WNT10A: variants seen among roughly 807,000 people sequenced by gnomAD.
WNT10A encodes the protein protein Wnt-10a.
WNT10A carries 37 observed loss-of-function variants against 36.1 expected under a neutral mutation model. That is an observed-to-expected ratio of 1.02 (90% CI 0.79 to 1.35). The LOEUF is 1.35. Among genes scored for constraint, WNT10A ranks in the 40% most tolerant of loss-of-function variants. The pLI, the probability that WNT10A is intolerant of heterozygous loss-of-function variation, is 0.00. For synonymous variants in WNT10A, 255 were observed against 254.1 expected (o/e 1.00, Z -0.03); for missense variants, 613 against 601.4 (o/e 1.02, Z -0.20).
rs915885112 is a variant in WNT10A, at chr2:218,881,103, G to A, written c.108G>A (p.Met36Ile). Residue 36 changes from methionine to isoleucine, a missense_variant, in exon 1 of 4, where the codon ATG becomes ATA. Transcript: ENST00000258411. ...TCCTACTGCTGCTGGCTGCTGCCATGCCCAGGTGAGCCCTCACCTCATGCT... is the reference window on the plus strand; with the variant it reads ...TCCTACTGCTGCTGGCTGCTGCCATACCCAGGTGAGCCCTCACCTCATGCT... ...LFFLLLLAAAMPRSAPNDILD... is the reference protein window; with the variant it reads ...LFFLLLLAAAIPRSAPNDILD... 2 of 1,592,912 alleles carry A rather than the reference G, an allele frequency of 1.3e-6. No homozygotes were observed. Among genetic ancestry groups the A allele is most frequent in the South Asian group, 1.1e-5 (1 of 87,866 alleles).
At chr2:218,890,722 T>C (rs1288790012) in intron 3 of WNT10A, among the ~76,000 whole-genome samples, 1 of 151,986 alleles carries the variant, frequency 6.6e-6, no homozygotes, top group Non-Finnish European at 1.5e-5. Context: ...CCCTATAGAG[T>C]GACAAGGTTG....
At chr2:218,874,651 A>G in the WNT10A span, among the ~76,000 whole-genome samples, 1 of 152,120 alleles carries the variant, frequency 6.6e-6, no homozygotes, top group African/African-American at 2.4e-5. Flanking sequence ...GCATAGCCCA[A>G]CTTCCAGGAC....
At chr2:218,887,223 C>T (rs1212947663) in intron 2 of WNT10A, among the ~76,000 whole-genome samples, 1 of 152,070 alleles carries the variant, frequency 6.6e-6, no homozygotes, top group African/African-American at 2.4e-5. Context: ...ACTTCTGTGA[C>T]CTGTGTTTTC....
In WNT10A at chr2:218,893,449, T is replaced by G; in HGVS notation, c.*178T>G. On this transcript the variant is annotated 3_prime_UTR_variant, in exon 4 of 4. Transcript: ENST00000258411. The surrounding 1 kb of genome is among the most constrained non-coding windows in gnomAD (Gnocchi z 6.3). ...GTGATCGCCGGACAGTCCAGGCCTG[T>G]CTGAACCCCACCACTCACTTCTGTG... is the stretch of plus-strand genomic sequence containing the variant. 3 of 840,210 alleles carry G rather than the reference T, an allele frequency of 3.6e-6. No homozygotes were observed. The highest frequency in any genetic ancestry group is 5.3e-6 in the Non-Finnish European group (3 of 571,182). 52.0% of individuals were successfully genotyped at this position (840,210 alleles called of 1,614,324 possible).
At chr2:218,879,994 G>A (rs1944490956), upstream of WNT10A, among the ~76,000 whole-genome samples, 4 of 152,146 alleles carry the variant, frequency 2.6e-5, no homozygotes, top group Admixed American at 2.0e-4. Flanking sequence ...GCCGCATTCC[G>A]CAAAGGGGCA....
rs774646988 is a variant in WNT10A at position 218,890,245 on chromosome 2, G to A, written c.638G>A (p.Gly213Asp). The A allele has an allele frequency of 1.9e-6, 3 of 1,613,584 alleles. No individual in the cohort carries two copies. Among genetic ancestry groups the A allele is most frequent in the African/African-American group, 2.7e-5 (2 of 75,056 alleles). Residue 213 changes from glycine (G) to aspartate (D), a missense_variant, in exon 3 of 4, where the codon GGC (glycine) becomes GAC (aspartate). Gly to Asp is a moderately conservative substitution (Grantham distance 94). Coordinates refer to ENST00000258411, the MANE Select transcript of WNT10A (RefSeq NM_025216.3). Reference protein sequence around the residue: ...PGLQDSWEWGGCSPDMGFGER... With the variant: ...PGLQDSWEWGDCSPDMGFGER... The stretch of plus-strand genomic sequence containing the variant: ...CTGCAGGACTCCTGGGAGTGGGGCG[G>A]CTGCAGCCCCGACATGGGCTTCGGG...
At chr2:218,882,092 G>T in intron 1 of WNT10A, 69 bp from the exon 2 acceptor site, 2 of 1,566,874 alleles carry the variant, frequency 1.3e-6, no homozygotes, top group Non-Finnish European at 8.7e-7. Context: ...GGGACAGAGT[G>T]TGTGTTGTTA....
At chr2:218,880,126 G>A (rs1002713896), upstream of WNT10A, among the ~76,000 whole-genome samples, 7 of 152,288 alleles carry the variant, frequency 4.6e-5, no homozygotes, top group Admixed American at 2.0e-4. The surrounding 1 kb of genome is among the most constrained non-coding windows in gnomAD (Gnocchi z 7.7). Flanking sequence ...CACCAGGCAG[G>A]CCTGGGGGAA....
At chr2:218,889,103 G>A (rs1012940266) in intron 2 of WNT10A, among the ~76,000 whole-genome samples, 4 of 152,138 alleles carry the variant, frequency 2.6e-5, no homozygotes, top group African/African-American at 9.7e-5. Context: ...AGTCCCCAAA[G>A]TCCATTGTGT....
intron 2 of WNT10A, 83 bp downstream of exon 2, chr2:218,882,506 T>G: frequency 6.4e-7 from 1 of 1,554,862 alleles, no homozygotes; most frequent in Non-Finnish European, 8.8e-7. Flanking sequence ...TCTAACCCAC[T>G]GCCTCAAGCT....
In WNT10A at chr2:218,893,370, G is replaced by A; in HGVS notation, c.*99G>A. The A allele has an allele frequency of 6.9e-7, 1 of 1,448,622 alleles. No individual in the cohort carries two copies. Among genetic ancestry groups the A allele is most frequent in the Non-Finnish European group, 9.1e-7 (1 of 1,097,714 alleles). The allele number at this position is 1,448,622 out of a possible 1,614,324, so 89.7% of individuals were successfully genotyped here. Reference sequence around the variant, plus strand: ...CAAGGCAGCATCGCCTTGGCTCTTGGGAAGAGGAGATTGGACCACATGATC... The same window carrying A: ...CAAGGCAGCATCGCCTTGGCTCTTGAGAAGAGGAGATTGGACCACATGATC... On this transcript the variant is annotated 3_prime_UTR_variant, in exon 4 of 4. Coordinates refer to ENST00000258411, the MANE Select transcript of WNT10A (RefSeq NM_025216.3). The surrounding 1 kb of genome is among the most constrained non-coding windows in gnomAD (Gnocchi z 6.3).
At chr2:218,887,072 A>G (rs573193978) in intron 2 of WNT10A, among the ~76,000 whole-genome samples, 1 of 152,252 alleles carries the variant, frequency 6.6e-6, no homozygotes, top group South Asian at 2.1e-4. Context: ...GGTGCCATGC[A>G]CAGACAAGTC....
chr2:218,890,470 C>A, intron 3 of WNT10A, 107 bp downstream of exon 3: 1 of 1,493,520 alleles, frequency 6.7e-7, no homozygotes, highest in Non-Finnish European at 9.1e-7. Context: ...CATGTCACAC[C>A]TTGGCAATCT....
upstream of WNT10A, among the ~76,000 whole-genome samples, chr2:218,878,994 G>A (rs1944478590): frequency 6.6e-6 from 1 of 152,128 alleles, no homozygotes; most frequent in South Asian, 2.1e-4. This position sits in a 1 kb window ranked among gnomAD's most constrained non-coding sequence, Gnocchi z 4.1. Flanking sequence ...GGGCAGTTGG[G>A]GTCAAATAAG....
At chr2:218,885,074 G>T (rs1375559106) in intron 2 of WNT10A, among the ~76,000 whole-genome samples, 1 of 152,206 alleles carries the variant, frequency 6.6e-6, no homozygotes, top group African/African-American at 2.4e-5. Flanking sequence ...AGGGAGAAGA[G>T]GGCTTGAGCA....
intron 2 of WNT10A, 134 bp from the exon 3 acceptor site, chr2:218,889,850 G>C (rs553478900): frequency 1.2e-5 from 18 of 1,446,518 alleles, no homozygotes; most frequent in Non-Finnish European, 1.7e-5. Flanking sequence ...GCCCTTCTTT[G>C]ACTCTGTTTC....
At chr2:218,875,901 CA>C (rs1282147427), upstream of WNT10A, among the ~76,000 whole-genome samples, 2 of 152,330 alleles carry the variant, frequency 1.3e-5, no homozygotes, top group South Asian at 2.1e-4. Context: ...TGAGGCCAAA[CA>C]GAAATAATGA....
Position 218,881,016 on chromosome 2 carries a change from C to T in WNT10A, c.21C>T (p.Arg7=). 1.3e-6 allele frequency: 2 copies of T among 1,591,632 alleles called. No homozygotes were observed. Among genetic ancestry groups the T allele is most frequent in the Non-Finnish European group, 1.7e-6 (2 of 1,168,946 alleles). Residue 7 remains arginine, a synonymous_variant, in exon 1 of 4, where the codon CGC becomes CGT. Coordinates refer to ENST00000258411, the MANE Select transcript of WNT10A (RefSeq NM_025216.3). MGSAHP[R]PWLRLRPQPQ... ...GCGCCATGGGCAGCGCCCACCCTCG[C>T]CCCTGGCTGCGGCTCCGACCCCAGC...
At chr2:218,875,349 T>C in the WNT10A span, among the ~76,000 whole-genome samples, 10 of 151,622 alleles carry the variant, frequency 6.6e-5, no homozygotes, top group South Asian at 2.1e-3. Flanking sequence ...CCACCACACT[T>C]GGATACGTTT....
Sources: gnomAD v4.1 joint callset for allele counts (sites outside exome capture counted in the v4.1 genomes callset) on GRCh38, gnomAD v4.1.1 for gene constraint, Gnocchi (gnomAD v3.1) non-coding constraint, MANE v1.5 for transcripts, NCBI Gene and HGNC (gene_info 2026-07-23, HGNC 2026-07-21) for gene names.